The following KLF8 variants were observed in gnomAD, a reference collection of about 807,000 sequenced individuals.
The protein encoded by KLF8 is Krueppel-like factor 8.
KLF8 carries 10 observed loss-of-function variants against 18.2 expected under a neutral mutation model. The ratio of observed to expected loss-of-function variants is 0.55; its 90% CI spans 0.34 to 0.93. The LOEUF (loss-of-function observed/expected upper bound fraction) is 0.93, where lower values mean the gene tolerates loss of function less well. Ranked by LOEUF, KLF8 falls within the 40% of genes least tolerant of loss-of-function variation. The pLI, the probability that KLF8 is intolerant of heterozygous loss-of-function variation, is 0.02. For synonymous variants in KLF8, 109 were observed against 97.3 expected (o/e 1.12, Z -0.71); for missense variants, 264 against 277.9 (o/e 0.95, Z 0.36).
the KLF8 span, among the ~76,000 whole-genome samples, chrX:56,188,036 G>A: frequency 1.8e-5 from 2 of 110,844 alleles, no homozygotes; most frequent in African/African-American, 6.6e-5. Context: ...CAATTAGGCA[G>A]GCGAAGGAAA....
the KLF8 span, among the ~76,000 whole-genome samples, chrX:56,188,962 A>T: frequency 9.3e-3 from 1,039 of 111,950 alleles, 9 homozygotes; most frequent in African/African-American, 0.032. Context: ...AGGCATGGGC[A>T]AGGACTTCAT....
the KLF8 span, among the ~76,000 whole-genome samples, chrX:56,086,451 C>T: frequency 9.1e-6 from 1 of 110,200 alleles, no homozygotes; most frequent in African/African-American, 3.3e-5. Context: ...AGAGCAGTCA[C>T]TCCTGAGTTC....
the KLF8 span, among the ~76,000 whole-genome samples, chrX:55,946,500 G>A: frequency 1.5e-4 from 17 of 111,675 alleles, no homozygotes; most frequent in African/African-American, 1.9e-4. Flanking sequence ...ATGGATTGTC[G>A]ACTTAAACGT....
chrX:56,270,308 C>G lies in KLF8; in HGVS notation c.885C>G (p.Arg295=). ...AAAGCTCTCACCTGAAAGCTCACCGCAGAATCCATACAGGTCTGCCCACTC... is the reference window on the plus strand; with the variant it reads ...AAAGCTCTCACCTGAAAGCTCACCGGAGAATCCATACAGGTCTGCCCACTC... ...YTKSSHLKAH[R]RIHTGEKPYK... Residue 295 remains arginine (R), a synonymous_variant, in exon 5 of 6, where the codon CGC becomes CGG. Transcript: ENST00000468660. The G allele has an allele frequency of 8.3e-7, 1 of 1,200,870 alleles. No individual in the cohort carries two copies. The highest frequency in any genetic ancestry group is 1.1e-6 in the Non-Finnish European group (1 of 890,817).
At chrX:56,077,956 G>C in the KLF8 span, among the ~76,000 whole-genome samples, 1 of 111,942 alleles carries the variant, frequency 8.9e-6, no homozygotes, top group Admixed American at 9.5e-5. Context: ...TGTTATTGGT[G>C]TATAAGAATG....
At chrX:55,918,886 A>G in the KLF8 span, among the ~76,000 whole-genome samples, 1 of 112,051 alleles carries the variant, frequency 8.9e-6, no homozygotes, top group Admixed American at 9.5e-5. Flanking sequence ...CACATTCACA[A>G]GTACTGATGG....
At chrX:55,928,393 T>C in the KLF8 span, among the ~76,000 whole-genome samples, 1 of 111,279 alleles carries the variant, frequency 9.0e-6, no homozygotes, top group African/African-American at 3.3e-5. Context: ...CTTTAAGTTC[T>C]GGGATATATG....
chrX:56,271,811 G>A (rs1478945981), intron 5 of KLF8, among the ~76,000 whole-genome samples: 3 of 111,065 alleles, frequency 2.7e-5, no homozygotes, highest in African/African-American at 9.8e-5. Context: ...TCAACCGTAA[G>A]ATGAGGGGTT....
At chrX:56,266,048 T>C in intron 3 of KLF8, 1 of 795,241 alleles carries the variant, frequency 1.3e-6, no homozygotes, top group Non-Finnish European at 1.5e-6. Context: ...AAAATATGAT[T>C]ATCTTGTATT....
chrX:56,225,659 G>A, the KLF8 span, among the ~76,000 whole-genome samples: 1 of 112,143 alleles, frequency 8.9e-6, no homozygotes, highest in Non-Finnish European at 1.9e-5. Context: ...ACTCCTCTAA[G>A]CATGTTTATG....
the KLF8 span, among the ~76,000 whole-genome samples, chrX:56,088,169 A>G: frequency 9.0e-6 from 1 of 111,401 alleles, no homozygotes; most frequent in Non-Finnish European, 1.9e-5. Context: ...TAGGATGCAA[A>G]TAAGAATAAT....
the KLF8 span, among the ~76,000 whole-genome samples, chrX:56,188,184 T>C: frequency 0.53 from 57,904 of 110,097 alleles, 13,785 homozygotes; most frequent in Non-Finnish European, 0.74. Context: ...AGTCTCAGGA[T>C]ACAAAATCAA....
At chrX:56,279,764 G>A (rs1270402388) in intron 5 of KLF8, among the ~76,000 whole-genome samples, 1 of 111,783 alleles carries the variant, frequency 8.9e-6, no homozygotes, top group East Asian at 2.8e-4. Flanking sequence ...TTTCTGTTTT[G>A]GGTGACTGGG....
the KLF8 span, among the ~76,000 whole-genome samples, chrX:56,160,818 A>C: frequency 5.4e-5 from 6 of 111,352 alleles, no homozygotes; most frequent in African/African-American, 1.3e-4. Flanking sequence ...AATACAGCAC[A>C]CTGATGGGTC....
chrX:56,228,733 C>T (rs912894463), upstream of KLF8, among the ~76,000 whole-genome samples: 4 of 111,537 alleles, frequency 3.6e-5, no homozygotes, highest in Admixed American at 1.9e-4. Flanking sequence ...TCAACATTAG[C>T]GGAGGGGCAA....
chrX:56,105,082 G>C, the KLF8 span, among the ~76,000 whole-genome samples: 1 of 112,053 alleles, frequency 8.9e-6, no homozygotes, highest in Non-Finnish European at 1.9e-5. Flanking sequence ...CTGAGAGACA[G>C]TTTGTTGTGA....
chrX:55,976,104 C>T, the KLF8 span, among the ~76,000 whole-genome samples: 3 of 110,996 alleles, frequency 2.7e-5, no homozygotes, highest in East Asian at 2.8e-4. Flanking sequence ...AGTGAAACTC[C>T]GACTCAAAAA....
the KLF8 span, among the ~76,000 whole-genome samples, chrX:56,102,499 ATGT>A: frequency 9.0e-6 from 1 of 111,210 alleles, no homozygotes; most frequent in Non-Finnish European, 1.9e-5. Flanking sequence ...GAAAAAAATG[ATGT>A]TGTTAGTTTG....
chrX:55,999,285 AT>A, the KLF8 span, among the ~76,000 whole-genome samples: 30 of 33,541 alleles, frequency 8.9e-4, 1 homozygote, highest in East Asian at 9.8e-3. Context: ...ATGCCTCCAG[AT>A]TTTTTTTTTT....
Sources: allele counts gnomAD v4.1 joint callset (sites outside exome capture counted in the v4.1 genomes callset), GRCh38; gene constraint gnomAD v4.1.1; transcripts MANE v1.5; gene names NCBI Gene and HGNC (gene_info 2026-07-23, HGNC 2026-07-21).